SIX1: variants seen among roughly 807,000 people sequenced by gnomAD.
SIX1 encodes the protein SIX homeobox 1, also known as homeobox protein SIX1.
SIX1 carries 11 observed loss-of-function variants against 26.5 expected under a neutral mutation model. The ratio of observed to expected loss-of-function variants is 0.41; its 90% CI spans 0.26 to 0.69. SIX1 has a LOEUF of 0.69. SIX1 is among the 30% of genes least tolerant of loss of function. The pLI is 0.28. For synonymous variants in SIX1, 177 were observed against 166.2 expected, an observed-to-expected ratio of 1.06 and a Z score of -0.50; for missense variants, 333 against 365.9, an observed-to-expected ratio of 0.91 and a Z score of 0.73.
Position 60,644,626 on chromosome 14 carries a change from A to T in SIX1, c.*1657T>A, listed in dbSNP as rs1894909646. ...TAGATGGGAAAAAATCAAAATTATG[A>T]AACTGTCATGTCAGAAAATAAATAG... On this transcript the variant is annotated 3_prime_UTR_variant, in exon 2 of 2. Coordinates refer to ENST00000645694, the MANE Select transcript of SIX1 (RefSeq NM_005982.4). The T allele has an allele frequency of 6.6e-6, 1 of 152,250 alleles. No homozygotes were observed. Among genetic ancestry groups the T allele is most frequent in the Admixed American group, 6.5e-5 (1 of 15,290 alleles). 9.4% of individuals were successfully genotyped at this position (152,250 alleles called of 1,614,324 possible). A position where few individuals can be genotyped will look rare whatever the true frequency, so the allele number is the denominator to read the frequency against.
At position 60,648,595 on chromosome 14, in the gene SIX1, A is replaced by G. The variant is rs2140240918; in HGVS notation, c.560+35T>C. 1 of 1,578,164 alleles carries G rather than the reference A, an allele frequency of 6.3e-7. No individual in the cohort carries two copies. Among genetic ancestry groups the G allele is most frequent in the East Asian group, 2.3e-5 (1 of 42,888 alleles). ...GGCGGAGGAGAAAGGACGGCTTCCTAGGGTCGCCCGAGTCGCGGGAAGCAC... is the reference window on the plus strand; with the variant it reads ...GGCGGAGGAGAAAGGACGGCTTCCTGGGGTCGCCCGAGTCGCGGGAAGCAC... On this transcript the variant is annotated intron_variant, in intron 1 of 1. Transcript: ENST00000645694. This position sits in a 1 kb window ranked among gnomAD's most constrained non-coding sequence, Gnocchi z 7.9.
intron 1 of SIX1, 76 bp from the exon 2 acceptor site, chr14:60,646,653 G>A (rs1894949122): frequency 2.3e-6 from 3 of 1,302,294 alleles, no homozygotes; most frequent in Non-Finnish European, 3.1e-6. Flanking sequence ...AAAAGTGTGA[G>A]ATGGAGGGAG....
Position 60,649,377 on chromosome 14 carries a change from G to A in SIX1, c.-188C>T, listed in dbSNP as rs550016251. The A allele has an allele frequency of 3.8e-5, 23 of 599,132 alleles. No homozygotes were observed. The highest frequency in any genetic ancestry group is 6.5e-5 in the Non-Finnish European group (22 of 338,560). 37.1% of individuals were successfully genotyped at this position (599,132 alleles called of 1,614,324 possible). A position where few individuals can be genotyped will look rare whatever the true frequency, so the allele number is the denominator to read the frequency against. ...AAGGAAGAGAAGGCGGAGGAGTAGGGGAGGTTCTGGACACGGAACGGCCGG... is the reference window on the plus strand; with the variant it reads ...AAGGAAGAGAAGGCGGAGGAGTAGGAGAGGTTCTGGACACGGAACGGCCGG... On this transcript the variant is annotated 5_prime_UTR_variant, in exon 1 of 2. Transcript: ENST00000645694. The surrounding 1 kb of genome is among the most constrained non-coding windows in gnomAD (Gnocchi z 5.1).
rs1895015036 is a variant in SIX1, at chr14:60,649,223, C to T, written c.-34G>A. ...CCTGCCGGGGCGCACGGCCCAGGCG[C>T]ACGCGGCAGGGAGCAGAGCCGAGAG... On this transcript the variant is annotated 5_prime_UTR_variant, in exon 1 of 2. Coordinates refer to ENST00000645694, the MANE Select transcript of SIX1 (RefSeq NM_005982.4). This position sits in a 1 kb window ranked among gnomAD's most constrained non-coding sequence, Gnocchi z 5.1. The T allele has an allele frequency of 2.5e-6, 4 of 1,593,380 alleles. No homozygotes were observed. Among genetic ancestry groups the T allele is most frequent in the Non-Finnish European group, 3.4e-6 (4 of 1,174,578 alleles).
Position 60,646,038 on chromosome 14 carries a change from T to A in SIX1, c.*245A>T. 3 of 309,996 alleles carry A rather than the reference T, an allele frequency of 9.7e-6. No individual in the cohort carries two copies. The highest frequency in any genetic ancestry group is 1.7e-5 in the Non-Finnish European group (3 of 173,094). 19.2% of individuals were successfully genotyped at this position (309,996 alleles called of 1,614,324 possible). ...TTGGGTTTTTTTTTTTTTTTTTCCCTGATCTCTGCATTGGGAAGGAAAATG... is the reference window on the plus strand; with the variant it reads ...TTGGGTTTTTTTTTTTTTTTTTCCCAGATCTCTGCATTGGGAAGGAAAATG... On this transcript the variant is annotated 3_prime_UTR_variant, in exon 2 of 2. Transcript: ENST00000645694.
Position 60,646,319 on chromosome 14 carries a change from G to T in SIX1, c.819C>A (p.Gly273=), listed in dbSNP as rs1379647257. The stretch of plus-strand genomic sequence containing the variant: ...AGTCCACCAGACTGGAGGTGAGGGG[G>T]CCGAGCAGAGAGTCTTGGAGCTGAT... ...HQHQLQDSLL[G]PLTSSLVDLG... is the part of the protein sequence containing the mutation. The change falls in exon 2 of 2, where the codon GGC becomes GGA. Residue 273 remains glycine, a synonymous_variant. Transcript: ENST00000645694. 1 of 1,613,544 alleles carries T rather than the reference G, an allele frequency of 6.2e-7. No homozygotes were observed. The highest frequency in any genetic ancestry group is 1.7e-5 in the Admixed American group (1 of 60,014).
At position 60,645,535 on chromosome 14, in the gene SIX1, AAAAC is replaced by A. The variant is rs1037180214; in HGVS notation, c.*744_*747del. The stretch of plus-strand genomic sequence containing the variant: ...GTCATTTAAAAAAAAAAAACCCAAG[AAAAC>A]AAACAACAACCAAAAAATCCCACTA... On this transcript the variant is annotated 3_prime_UTR_variant, in exon 2 of 2. Transcript: ENST00000645694. This position sits in a 1 kb window ranked among gnomAD's most constrained non-coding sequence, Gnocchi z 4.6. 5 of 151,742 alleles carry A rather than the reference AAAAC, an allele frequency of 3.3e-5. No homozygotes were observed. The highest frequency in any genetic ancestry group is 9.7e-5 in the African/African-American group (4 of 41,356). 9.4% of individuals were successfully genotyped at this position (151,742 alleles called of 1,614,324 possible). A position where few individuals can be genotyped will look rare whatever the true frequency, so the allele number is the denominator to read the frequency against.
In SIX1 at chr14:60,648,804, T is replaced by C. The variant is rs104894478; in HGVS notation, c.386A>G (p.Tyr129Cys). 1.2e-6 allele frequency: 2 copies of C among 1,614,204 alleles called. No individual in the cohort carries two copies. The highest frequency in any genetic ancestry group is 1.3e-5 in the African/African-American group (1 of 75,062). ...RTIWDGEETS[Y>C]CFKEKSRGVL... is the part of the protein sequence containing the mutation. ...ACCCCTCGACTTCTCCTTGAAGCAG[T>C]AGCTGGTCTCCTCGCCGTCCCAGAT... The change falls in exon 1 of 2, where the codon TAC (tyrosine) becomes TGC (cysteine). Residue 129 changes from tyrosine to cysteine, a missense_variant. By Grantham distance (194) the Tyr-to-Cys change is radical. Transcript: ENST00000645694. The surrounding 1 kb of genome is among the most constrained non-coding windows in gnomAD (Gnocchi z 7.9).
At chr14:60,646,679 G>T (rs1013124635) in intron 1 of SIX1, 102 bp from the exon 2 acceptor site, 2 of 1,023,538 alleles carry the variant, frequency 2.0e-6, no homozygotes, top group Admixed American at 2.5e-5. Flanking sequence ...CTGGAAGGAG[G>T]AAAGGGCCAT....
chr14:60,646,047 C>A lies in SIX1; in HGVS notation c.*236G>T. ...TTTTTTTTTTTTTCCCTGATCTCTG[C>A]ATTGGGAAGGAAAATGCAAAAGTGG... On this transcript the variant is annotated 3_prime_UTR_variant, in exon 2 of 2. Coordinates refer to ENST00000645694, the MANE Select transcript of SIX1 (RefSeq NM_005982.4). 1 of 373,168 alleles carries A rather than the reference C, an allele frequency of 2.7e-6. No homozygotes were observed. Among genetic ancestry groups the A allele is most frequent in the Non-Finnish European group, 4.7e-6 (1 of 211,924 alleles). 23.1% of individuals were successfully genotyped at this position (373,168 alleles called of 1,614,324 possible). A position where few individuals can be genotyped will look rare whatever the true frequency, so the allele number is the denominator to read the frequency against.
rs769018187 is a variant in SIX1, at chr14:60,649,001, G to A, written c.189C>T (p.Phe63=). The part of the protein sequence containing the change: ...KAVVAFHRGN[F]RELYKILESH... ...TCTCCAGGATCTTGTAGAGCTCACGGAAGTTGCCGCGGTGGAAGGCGACCA... is the reference window on the plus strand; with the variant it reads ...TCTCCAGGATCTTGTAGAGCTCACGAAAGTTGCCGCGGTGGAAGGCGACCA... The change falls in exon 1 of 2, where the codon TTC becomes TTT. Residue 63 remains phenylalanine (F), a synonymous_variant. Coordinates refer to ENST00000645694, the MANE Select transcript of SIX1 (RefSeq NM_005982.4). This position sits in a 1 kb window ranked among gnomAD's most constrained non-coding sequence, Gnocchi z 5.1. 6.2e-6 allele frequency: 10 copies of A among 1,614,172 alleles called. No individual in the cohort carries two copies. Among genetic ancestry groups the A allele is most frequent in the South Asian group, 1.1e-5 (1 of 91,086 alleles).
At position 60,647,273 on chromosome 14, in the gene SIX1, C is replaced by A. The variant is rs1370075447; in HGVS notation, c.561-696G>T. ...TTTGTAACTAAAGGCTAACTGCAAC[C>A]ATACAATCCCTGTTCCTGTGTTACT... On this transcript the variant is annotated intron_variant, in intron 1 of 1. Transcript: ENST00000645694. The surrounding 1 kb of genome is among the most constrained non-coding windows in gnomAD (Gnocchi z 5.1). Among the ~76,000 whole-genome samples the A allele has an allele frequency of 6.6e-6, 1 of 152,218 alleles. No individual in the cohort carries two copies. Among genetic ancestry groups the A allele is most frequent in the Non-Finnish European group, 1.5e-5 (1 of 68,046 alleles).
Position 60,643,820 on chromosome 14 carries a change from T to C in SIX1, c.*2463A>G, listed in dbSNP as rs990362708. 2.6e-5 allele frequency: 4 copies of C among 152,178 alleles called. No individual in the cohort carries two copies. The highest frequency in any genetic ancestry group is 9.7e-5 in the African/African-American group (4 of 41,438). The allele number at this position is 152,178 out of a possible 1,614,324, so 9.4% of individuals were successfully genotyped here. ...TGGAATATGCGCGCTCTGGATTTAGTGCCAGGGGTTTTACAAAGAGTTTAT... is the reference window on the plus strand; with the variant it reads ...TGGAATATGCGCGCTCTGGATTTAGCGCCAGGGGTTTTACAAAGAGTTTAT... On this transcript the variant is annotated 3_prime_UTR_variant, in exon 2 of 2. Coordinates refer to ENST00000645694, the MANE Select transcript of SIX1 (RefSeq NM_005982.4).
intron 1 of SIX1, among the ~76,000 whole-genome samples, chr14:60,646,805 G>A (rs976845876): frequency 1.2e-4 from 19 of 152,210 alleles, no homozygotes; most frequent in African/African-American, 3.6e-4. Context: ...TACGGACAGA[G>A]CCTCCTGTTA....
At chr14:60,646,731 T>A (rs1239991966) in intron 1 of SIX1, among the ~76,000 whole-genome samples, 154 bp from the exon 2 acceptor site, 1 of 151,504 alleles carries the variant, frequency 6.6e-6, no homozygotes, top group Non-Finnish European at 1.5e-5. Flanking sequence ...GCTCTACCCT[T>A]CCACCCATCC....
Position 60,646,471 on chromosome 14 carries a change from G to T in SIX1, c.667C>A (p.Pro223Thr). 1 of 1,614,116 alleles carries T rather than the reference G, an allele frequency of 6.2e-7. No individual in the cohort carries two copies. Among genetic ancestry groups the T allele is most frequent in the Non-Finnish European group, 8.5e-7 (1 of 1,180,032 alleles). Reference sequence around the variant, plus strand: ...ACCGAGTTCTGGTCTGGACTTTGGGGAGGTGAGAATTCCTCTTCTGAGCTG... The same window carrying T: ...ACCGAGTTCTGGTCTGGACTTTGGGTAGGTGAGAATTCCTCTTCTGAGCTG... ...MSSSEEEFSP[P>T]QSPDQNSVLL... is the part of the protein sequence containing the mutation. Residue 223 changes from proline (P) to threonine (T), a missense_variant, in exon 2 of 2, where the codon CCC (proline) becomes ACC (threonine). Coordinates refer to ENST00000645694, the MANE Select transcript of SIX1 (RefSeq NM_005982.4).
chr14:60,646,138 T>C lies in SIX1; in HGVS notation c.*145A>G. On this transcript the variant is annotated 3_prime_UTR_variant, in exon 2 of 2. Coordinates refer to ENST00000645694, the MANE Select transcript of SIX1 (RefSeq NM_005982.4). ...GTTGGTTTTGATTTTTAAAAAGATA[T>C]TTGTGAAAGTCCACCATTCCTTTAT... is the stretch of plus-strand genomic sequence containing the variant. 1 of 704,454 alleles carries C rather than the reference T, an allele frequency of 1.4e-6. No individual in the cohort carries two copies. The allele number at this position is 704,454 out of a possible 1,614,324, so 43.6% of individuals were successfully genotyped here.
chr14:60,648,556 C>CGGGGGCGGGA lies in SIX1; in HGVS notation c.560+64_560+73dup. The CGGGGGCGGGA allele has an allele frequency of 2.1e-6, 3 of 1,452,398 alleles. No individual in the cohort carries two copies. The highest frequency in any genetic ancestry group is 1.2e-5 in the South Asian group (1 of 81,618). The allele number at this position is 1,452,398 out of a possible 1,614,324, so 90.0% of individuals were successfully genotyped here. On this transcript the variant is annotated intron_variant, in intron 1 of 1. Transcript: ENST00000645694. The surrounding 1 kb of genome is among the most constrained non-coding windows in gnomAD (Gnocchi z 7.9). ...GGGAGGACTTGGTGGCTGGTGCCTGCGGGGGCGGGAGGGGGCGGAGGAGAA... is the reference window on the plus strand; with the variant it reads ...GGGAGGACTTGGTGGCTGGTGCCTGCGGGGGCGGGAGGGGGCGGGAGGGGGCGGAGGAGAA...
Position 60,648,740 on chromosome 14 carries a change from C to T in SIX1, c.450G>A (p.Ser150=), listed in dbSNP as rs1399047674. Reference sequence around the variant, plus strand: ...CGGCCAGCTCCCGCTTCTCACGCGGCGATGGGTAGGGATTGTGCGCGTACC... The same window carrying T: ...CGGCCAGCTCCCGCTTCTCACGCGGTGATGGGTAGGGATTGTGCGCGTACC... ...REWYAHNPYP[S]PREKRELAEA... is the part of the protein sequence containing the mutation. Residue 150 remains serine, a synonymous_variant, in exon 1 of 2, where the codon TCG becomes TCA. Coordinates refer to ENST00000645694, the MANE Select transcript of SIX1 (RefSeq NM_005982.4). This position sits in a 1 kb window ranked among gnomAD's most constrained non-coding sequence, Gnocchi z 7.9. 6.2e-7 allele frequency: 1 copy of T among 1,613,392 alleles called. No individual in the cohort carries two copies. Among genetic ancestry groups the T allele is most frequent in the African/African-American group, 1.3e-5 (1 of 74,932 alleles).
Sources: allele counts gnomAD v4.1 joint callset (sites outside exome capture counted in the v4.1 genomes callset), GRCh38; gene constraint gnomAD v4.1.1; non-coding constraint Gnocchi (gnomAD v3.1); transcripts MANE v1.5; gene names NCBI Gene and HGNC (gene_info 2026-07-23, HGNC 2026-07-21).